The following PLA2R1 variants were observed in gnomAD, a reference collection of about 807,000 sequenced individuals.
PLA2R1 encodes secretory phospholipase A2 receptor.
Under a neutral mutation model 195.9 loss-of-function variants are expected in PLA2R1, and 158 were observed. That is an observed-to-expected ratio of 0.81 (90% CI 0.71 to 0.92). The LOEUF (loss-of-function observed/expected upper bound fraction) is 0.92, where lower values mean the gene tolerates loss of function less well. Ranked by LOEUF, PLA2R1 falls within the 40% of genes least tolerant of loss-of-function variation. The pLI is 0.00. For missense variants in PLA2R1, 1,626 were observed against 1,764.6 expected, an observed-to-expected ratio of 0.92 and a Z score of 1.41; for synonymous variants, 586 against 598.2, an observed-to-expected ratio of 0.98 and a Z score of 0.30.
At chr2:160,040,137 G>A (rs1372251772) in intron 3 of PLA2R1, among the ~76,000 whole-genome samples, 1 of 152,086 alleles carries the variant, frequency 6.6e-6, no homozygotes, top group Non-Finnish European at 1.5e-5. Context: ...AAGGGGTGTA[G>A]AGATCACATG....
downstream of PLA2R1, among the ~76,000 whole-genome samples, chr2:159,927,630 T>G (rs1274499371): frequency 6.6e-6 from 1 of 152,226 alleles, no homozygotes; most frequent in Non-Finnish European, 1.5e-5. Flanking sequence ...TCCACAGACC[T>G]ATTTGGGTTC....
intron 19 of PLA2R1, 138 bp downstream of exon 19, chr2:159,969,118 G>A (rs1560158762): frequency 1.8e-6 from 1 of 570,254 alleles, no homozygotes; most frequent in East Asian, 3.0e-5. Flanking sequence ...AAGCCTTATG[G>A]CAGACAAAAC....
intron 9 of PLA2R1, among the ~76,000 whole-genome samples, 160 bp from the exon 10 acceptor site, chr2:160,013,535 G>A (rs1485367136): frequency 2.0e-5 from 3 of 151,868 alleles, no homozygotes; most frequent in Non-Finnish European, 4.4e-5. Context: ...ATTCTATCCA[G>A]TAATGCCATT....
intron 20 of PLA2R1, among the ~76,000 whole-genome samples, chr2:159,962,203 C>A (rs1459594081): frequency 1.3e-5 from 2 of 152,230 alleles, no homozygotes; most frequent in Middle Eastern, 3.4e-3. Flanking sequence ...AAACAAACAA[C>A]CCCATCAAAA....
In PLA2R1 at chr2:160,016,665, A is replaced by T; in HGVS notation, c.1500T>A (p.Ile500=). The T allele has an allele frequency of 6.2e-7, 1 of 1,609,332 alleles. No individual in the cohort carries two copies. The highest frequency in any genetic ancestry group is 1.1e-5 in the South Asian group (1 of 90,978). The change falls in exon 9 of 30, where the codon ATT becomes ATA. Residue 500 remains isoleucine (I), a synonymous_variant. Transcript: ENST00000283243. ...VKNCEERLFY[I]CKKAGHVLSD... ...AGAGGACATGGCCTGCTTTTTTACAAATGTAAAAAAGTCTTTCTTCACAAT... is the reference window on the plus strand; with the variant it reads ...AGAGGACATGGCCTGCTTTTTTACATATGTAAAAAAGTCTTTCTTCACAAT...
chr2:159,924,733 G>GGC, the PLA2R1 span, among the ~76,000 whole-genome samples: 1 of 143,124 alleles, frequency 7.0e-6, no homozygotes, highest in Non-Finnish European at 1.5e-5. Context: ...GGGGGCTGGG[G>GGC]GGGGGGCGGT....
At chr2:160,030,201 T>C (rs1693771955) in intron 4 of PLA2R1, among the ~76,000 whole-genome samples, 1 of 152,172 alleles carries the variant, frequency 6.6e-6, no homozygotes, top group African/African-American at 2.4e-5. Flanking sequence ...AACTAACCCA[T>C]TTAAGAAAAG....
chr2:159,993,453 T>TACACACACAC (rs3063677), intron 11 of PLA2R1, among the ~76,000 whole-genome samples: 59,495 of 148,062 alleles, frequency 0.4, 14,610 homozygotes, highest in Non-Finnish European at 0.53. Context: ...GTGTTTAATT[T>TACACACACAC]ACACACACAC....
At chr2:160,044,434 T>C (rs1456447788) in intron 2 of PLA2R1, among the ~76,000 whole-genome samples, 4 of 152,146 alleles carry the variant, frequency 2.6e-5, no homozygotes, top group African/African-American at 7.2e-5. Context: ...ACAAAAGTCT[T>C]CAAAGATCTT....
chr2:160,041,991 C>T (rs1290064388), intron 3 of PLA2R1, 34 bp downstream of exon 3: 2 of 1,535,844 alleles, frequency 1.3e-6, no homozygotes, highest in Middle Eastern at 1.7e-4. Flanking sequence ...TTGATTCATT[C>T]ATGACATATA....
chr2:160,045,215 T>A, intron 1 of PLA2R1, 58 bp from the exon 2 acceptor site: 1 of 1,354,344 alleles, frequency 7.4e-7, no homozygotes, highest in Non-Finnish European at 1.0e-6. Context: ...ACTAGCGTCA[T>A]GAGGATCTCA....
intron 20 of PLA2R1, among the ~76,000 whole-genome samples, chr2:159,964,778 G>A (rs895514114): frequency 2.0e-5 from 3 of 151,940 alleles, no homozygotes; most frequent in African/African-American, 7.3e-5. Flanking sequence ...TTAAGAGGAA[G>A]GTACAACTTT....
intron 3 of PLA2R1, among the ~76,000 whole-genome samples, chr2:160,038,962 G>A (rs1694346239): frequency 6.6e-6 from 1 of 152,064 alleles, no homozygotes. Flanking sequence ...CATCTCCTGG[G>A]TTCAAGCGAT....
intron 1 of PLA2R1, among the ~76,000 whole-genome samples, chr2:160,048,955 C>T (rs191795134): frequency 0.045 from 6,773 of 150,450 alleles, 226 homozygotes; most frequent in Non-Finnish European, 0.072. Flanking sequence ...ATTCTCCTGC[C>T]TCAGCCTCCC....
chr2:159,943,541 A>G (rs914923748), intron 28 of PLA2R1, among the ~76,000 whole-genome samples: 2 of 152,200 alleles, frequency 1.3e-5, no homozygotes, highest in African/African-American at 2.4e-5. Flanking sequence ...CGGCATGGAA[A>G]GAGCACTTAG....
intron 1 of PLA2R1, among the ~76,000 whole-genome samples, chr2:160,057,226 C>T (rs1338235361): frequency 6.6e-6 from 1 of 152,168 alleles, no homozygotes; most frequent in Non-Finnish European, 1.5e-5. Flanking sequence ...AACAACCAAG[C>T]AGGAACCACC....
Position 159,942,115 on chromosome 2 carries a change from T to C in PLA2R1, c.4177+12A>G. 6.2e-7 allele frequency: 1 copy of C among 1,609,000 alleles called. No individual in the cohort carries two copies. On this transcript the variant is annotated intron_variant, in intron 29 of 29. Transcript: ENST00000283243. The stretch of plus-strand genomic sequence containing the variant: ...AGAAAAATCAAAATGTTTTGTATGG[T>C]TTCAAACGTACCTTTTTCTGGCAGC...
intron 12 of PLA2R1, among the ~76,000 whole-genome samples, chr2:159,985,942 G>A (rs1228460559): frequency 6.6e-6 from 1 of 152,066 alleles, no homozygotes; most frequent in African/African-American, 2.4e-5. Context: ...AGGATGTCTT[G>A]TAATACTTTT....
At chr2:159,977,617 G>A (rs1358737074) in intron 14 of PLA2R1, among the ~76,000 whole-genome samples, 1 of 151,912 alleles carries the variant, frequency 6.6e-6, no homozygotes, top group African/African-American at 2.4e-5. Context: ...TCTTAAAGAT[G>A]CCTTTTTAAA....
Sources: allele counts gnomAD v4.1 joint callset (sites outside exome capture counted in the v4.1 genomes callset), GRCh38; gene constraint gnomAD v4.1.1; transcripts MANE v1.5; gene names NCBI Gene and HGNC (gene_info 2026-07-23, HGNC 2026-07-21).